CLDN16: variants seen among roughly 807,000 people sequenced by gnomAD.
CLDN16 encodes claudin 16.
A neutral mutation model predicts 24.6 loss-of-function variants in CLDN16; 13 were observed. The ratio of observed to expected loss-of-function variants is 0.53; its 90% confidence interval spans 0.34 to 0.84. The LOEUF is 0.84. Ranked by LOEUF, CLDN16 falls within the 40% of genes least tolerant of loss-of-function variation. The pLI is 0.01. For synonymous variants in CLDN16, 116 were observed against 106.7 expected, an observed-to-expected ratio of 1.09 and a Z score of -0.54; for missense variants, 298 against 292.7, an observed-to-expected ratio of 1.02 and a Z score of -0.13.
At chr3:190,292,743 G>T in the CLDN16 span, among the ~76,000 whole-genome samples, 14 of 152,266 alleles carry the variant, frequency 9.2e-5, no homozygotes, top group African/African-American at 3.1e-4. Flanking sequence ...AATGCCACCA[G>T]TCTCTTTGCT....
chr3:190,290,435 T>C, the CLDN16 span, among the ~76,000 whole-genome samples: 1 of 152,116 alleles, frequency 6.6e-6, no homozygotes, highest in Non-Finnish European at 1.5e-5. Flanking sequence ...AAGAATTAGG[T>C]TTAGTCTAAA....
intron 3 of CLDN16, among the ~76,000 whole-genome samples, chr3:190,376,265 G>A (rs950512431): frequency 2.0e-5 from 3 of 151,680 alleles, no homozygotes; most frequent in African/African-American, 7.3e-5. Context: ...ATGGTCATAA[G>A]GATTGTATTC....
chr3:190,298,943 A>G, the CLDN16 span, among the ~76,000 whole-genome samples: 2 of 152,226 alleles, frequency 1.3e-5, no homozygotes, highest in African/African-American at 4.8e-5. Flanking sequence ...TGATATACAT[A>G]TAAGAGTTTC....
upstream of CLDN16, among the ~76,000 whole-genome samples, chr3:190,321,495 C>T (rs966365766): frequency 4.6e-5 from 7 of 152,148 alleles, no homozygotes; most frequent in African/African-American, 1.4e-4. Context: ...GTAACTTTTA[C>T]TATGAAAAAA....
the CLDN16 span, among the ~76,000 whole-genome samples, chr3:190,297,372 C>T: frequency 6.7e-6 from 1 of 150,100 alleles, no homozygotes; most frequent in Admixed American, 6.7e-5. Flanking sequence ...AAGGACTCTA[C>T]CCAAATGTGT....
At chr3:190,305,521 G>C in the CLDN16 span, among the ~76,000 whole-genome samples, 1 of 152,058 alleles carries the variant, frequency 6.6e-6, no homozygotes, top group Non-Finnish European at 1.5e-5. Flanking sequence ...TACCACCCTT[G>C]ATGAGGAACT....
At chr3:190,373,744 AT>A in intron 2 of CLDN16, among the ~76,000 whole-genome samples, 1 of 152,006 alleles carries the variant, frequency 6.6e-6, no homozygotes, top group South Asian at 2.1e-4. Context: ...CTCAGGACGC[AT>A]TTTTATTGCA....
the CLDN16 span, chr3:190,308,084 A>T: frequency 1.6e-6 from 1 of 623,796 alleles, no homozygotes; most frequent in South Asian, 1.9e-5. Flanking sequence ...TATTGAGGAA[A>T]GAAGATAAAA....
At chr3:190,314,656 G>A in the CLDN16 span, among the ~76,000 whole-genome samples, 2 of 151,700 alleles carry the variant, frequency 1.3e-5, no homozygotes, top group African/African-American at 4.8e-5. Context: ...TGCCCACCTC[G>A]GCCTCCCAAA....
chr3:190,336,041 G>A (rs1717297805), intron 1 of CLDN16, among the ~76,000 whole-genome samples: 1 of 152,138 alleles, frequency 6.6e-6, no homozygotes, highest in East Asian at 1.9e-4. Flanking sequence ...GAGAGAAGTA[G>A]GGGAAATAAT....
upstream of CLDN16, chr3:190,322,270 T>C: frequency 6.8e-7 from 1 of 1,470,658 alleles, no homozygotes; most frequent in Non-Finnish European, 9.4e-7. Context: ...AGTTTGCAGG[T>C]GGGCAACCCG....
At chr3:190,308,156 GT>G in the CLDN16 span, 1 of 1,187,692 alleles carries the variant, frequency 8.4e-7, no homozygotes, top group Admixed American at 1.7e-5. Context: ...TTGTTTGTTT[GT>G]TTTGTAATAC....
At chr3:190,373,600 A>C (rs771388043) in intron 2 of CLDN16, among the ~76,000 whole-genome samples, 3 of 151,964 alleles carry the variant, frequency 2.0e-5, no homozygotes, top group African/African-American at 4.8e-5. Context: ...CATTGCATTT[A>C]ACTAATTTAT....
chr3:190,385,843 C>CA (rs1314827215), upstream of CLDN16, among the ~76,000 whole-genome samples: 1 of 152,120 alleles, frequency 6.6e-6, no homozygotes, highest in Non-Finnish European at 1.5e-5. Context: ...ACTCATCTCT[C>CA]AAAGTATGGC....
At chr3:190,381,774 A>G (rs1035785103) in intron 3 of CLDN16, among the ~76,000 whole-genome samples, 3 of 152,098 alleles carry the variant, frequency 2.0e-5, no homozygotes, top group African/African-American at 4.8e-5. Flanking sequence ...GCATGAGTGC[A>G]GTGATAAGGA....
chr3:190,344,687 G>GAAAGC (rs1717513945), intron 1 of CLDN16, among the ~76,000 whole-genome samples: 1 of 150,376 alleles, frequency 6.6e-6, no homozygotes, highest in Admixed American at 6.6e-5. Flanking sequence ...GTAGCATAAG[G>GAAAGC]AAAGCTGTGG....
At chr3:190,362,347 C>T (rs984693635) in intron 1 of CLDN16, among the ~76,000 whole-genome samples, 1 of 151,924 alleles carries the variant, frequency 6.6e-6, no homozygotes, top group Non-Finnish European at 1.5e-5. Flanking sequence ...CTGACTCAAT[C>T]AGTTCTGCGA....
At chr3:190,321,975 T>A, upstream of CLDN16, 1 of 1,611,558 alleles carries the variant, frequency 6.2e-7, no homozygotes, top group Non-Finnish European at 8.5e-7. Context: ...GAGGTGGGGG[T>A]GCACTCACTG....
intron 3 of CLDN16, among the ~76,000 whole-genome samples, chr3:190,379,874 A>C (rs987385808): frequency 3.9e-5 from 6 of 152,076 alleles, no homozygotes; most frequent in African/African-American, 1.4e-4. Flanking sequence ...GAGTTTCCAG[A>C]GGCATTAATC....
Sources: allele counts gnomAD v4.1 joint callset (sites outside exome capture counted in the v4.1 genomes callset), GRCh38; gene constraint gnomAD v4.1.1; transcripts MANE v1.5; gene names NCBI Gene and HGNC (gene_info 2026-07-23, HGNC 2026-07-21).